Variants in TNFSF4 observed in about 807,000 individuals in gnomAD.
TNFSF4 encodes the protein TNF superfamily member 4, also known as tumor necrosis factor ligand superfamily member 4.
TNFSF4 carries 4 observed loss-of-function variants against 7.3 expected under a neutral mutation model. The observed-to-expected ratio is 0.55, with a 90% CI of 0.27 to 1.25. The LOEUF is 1.25. TNFSF4 is among the 50% of genes most tolerant of loss of function. The pLI, the probability that TNFSF4 is intolerant of heterozygous loss-of-function variation, is 0.12. For synonymous variants in TNFSF4, 76 were observed against 83.7 expected, an observed-to-expected ratio of 0.91 and a Z score of 0.50; for missense variants, 181 against 208.8, an observed-to-expected ratio of 0.87 and a Z score of 0.82.
At chr1:173,231,424 TA>T in the TNFSF4 span, among the ~76,000 whole-genome samples, 1 of 152,136 alleles carries the variant, frequency 6.6e-6, no homozygotes, top group Non-Finnish European at 1.5e-5. Flanking sequence ...CTCAATAAAT[TA>T]GGTATTGATG....
At chr1:173,407,170 C>CG in the TNFSF4 span, among the ~76,000 whole-genome samples, 35,990 of 151,654 alleles carry the variant, frequency 0.24, 4,860 homozygotes, top group East Asian at 0.36. Flanking sequence ...AACAGCCTGG[C>CG]TGGGGTGTTG....
chr1:173,224,500 T>C, the TNFSF4 span, among the ~76,000 whole-genome samples: 1 of 152,188 alleles, frequency 6.6e-6, no homozygotes, highest in African/African-American at 2.4e-5. Flanking sequence ...CAACCCCTCA[T>C]TGGTAGGCCG....
At chr1:173,377,423 A>T in the TNFSF4 span, among the ~76,000 whole-genome samples, 1 of 152,278 alleles carries the variant, frequency 6.6e-6, no homozygotes. Context: ...GGGTCGACAG[A>T]GAGGAAGGCC....
chr1:173,179,643 T>C (rs1649016089), downstream of TNFSF4, among the ~76,000 whole-genome samples: 1 of 152,222 alleles, frequency 6.6e-6, no homozygotes, highest in South Asian at 2.1e-4. Context: ...AGTTTTTTTA[T>C]CCATCTTTGG....
intron 1 of TNFSF4, chr1:173,205,172 C>A: frequency 1.0e-6 from 1 of 984,886 alleles, no homozygotes; most frequent in Non-Finnish European, 1.5e-6. Context: ...TTCAAATATC[C>A]TGAGCAAAAA....
the TNFSF4 span, among the ~76,000 whole-genome samples, chr1:173,438,718 T>A: frequency 6.6e-6 from 1 of 152,192 alleles, no homozygotes; most frequent in Admixed American, 6.5e-5. Context: ...TTGTGTATAT[T>A]TTCTTCTATT....
the TNFSF4 span, among the ~76,000 whole-genome samples, chr1:173,240,485 T>C: frequency 6.6e-6 from 1 of 152,228 alleles, no homozygotes; most frequent in Non-Finnish European, 1.5e-5. Flanking sequence ...TATTCAATAT[T>C]ATATTTCTGA....
chr1:173,275,445 T>C, the TNFSF4 span, among the ~76,000 whole-genome samples: 1 of 152,168 alleles, frequency 6.6e-6, no homozygotes, highest in Non-Finnish European at 1.5e-5. Flanking sequence ...GAAAAGATAG[T>C]CTGGAACTAA....
chr1:173,291,826 AC>A, the TNFSF4 span, among the ~76,000 whole-genome samples: 1 of 152,054 alleles, frequency 6.6e-6, no homozygotes, highest in African/African-American at 2.4e-5. Flanking sequence ...ATTACAAAAG[AC>A]CCCACAGAAA....
At chr1:173,189,746 T>C (rs975188318) in intron 1 of TNFSF4, among the ~76,000 whole-genome samples, 8 of 152,058 alleles carry the variant, frequency 5.3e-5, no homozygotes, top group Admixed American at 5.2e-4. Context: ...GAATATACAA[T>C]ACATTAATGT....
the TNFSF4 span, among the ~76,000 whole-genome samples, chr1:173,270,167 G>A: frequency 1.3e-5 from 2 of 152,192 alleles, no homozygotes; most frequent in Admixed American, 6.5e-5. Context: ...GGAAGACCAT[G>A]AGAGGAGCAG....
chr1:173,312,524 A>G, the TNFSF4 span, among the ~76,000 whole-genome samples: 1 of 152,124 alleles, frequency 6.6e-6, no homozygotes, highest in African/African-American at 2.4e-5. Context: ...AAGAGAGAAA[A>G]TAGACAAAGA....
At chr1:173,258,513 C>T in the TNFSF4 span, among the ~76,000 whole-genome samples, 1 of 152,208 alleles carries the variant, frequency 6.6e-6, no homozygotes, top group Non-Finnish European at 1.5e-5. Flanking sequence ...CCCATGCCAC[C>T]AGGGCCTTGG....
chr1:173,448,007 G>T, the TNFSF4 span, among the ~76,000 whole-genome samples: 1 of 152,112 alleles, frequency 6.6e-6, no homozygotes, highest in African/African-American at 2.4e-5. Context: ...AGATTTCAAA[G>T]CAAGAAATAC....
At chr1:173,203,680 C>T (rs930548287) in intron 1 of TNFSF4, among the ~76,000 whole-genome samples, 2 of 151,836 alleles carry the variant, frequency 1.3e-5, no homozygotes, top group Non-Finnish European at 2.9e-5. Flanking sequence ...TCTGTTGTTC[C>T]CAGCTGAAAA....
the TNFSF4 span, among the ~76,000 whole-genome samples, chr1:173,267,303 G>A: frequency 6.6e-6 from 1 of 152,050 alleles, no homozygotes; most frequent in Non-Finnish European, 1.5e-5. Flanking sequence ...GAGATCATCA[G>A]CAACTAAACA....
the TNFSF4 span, among the ~76,000 whole-genome samples, chr1:173,435,309 CTATT>C: frequency 1.3e-5 from 2 of 152,164 alleles, no homozygotes; most frequent in Non-Finnish European, 2.9e-5. Context: ...AATAACTGAG[CTATT>C]TATTAGTTTA....
chr1:173,411,387 C>T, the TNFSF4 span, among the ~76,000 whole-genome samples: 1 of 152,164 alleles, frequency 6.6e-6, no homozygotes, highest in Admixed American at 6.5e-5. Flanking sequence ...ATGTCTTCAC[C>T]TTGGCTTCCT....
the TNFSF4 span, among the ~76,000 whole-genome samples, chr1:173,271,364 T>G: frequency 6.6e-6 from 1 of 152,148 alleles, no homozygotes; most frequent in South Asian, 2.1e-4. Flanking sequence ...TTTCTACATA[T>G]GGCTAGGCAG....
Sources: allele counts gnomAD v4.1 joint callset (sites outside exome capture counted in the v4.1 genomes callset), GRCh38; gene constraint gnomAD v4.1.1; transcripts MANE v1.5; gene names NCBI Gene and HGNC (gene_info 2026-07-23, HGNC 2026-07-21).